The following GFOD1 variants were observed in gnomAD, a reference collection of about 807,000 sequenced individuals.
GFOD1 encodes the protein Gfo/Idh/MocA-like oxidoreductase domain containing 1.
GFOD1 carries 9 observed loss-of-function variants against 25.4 expected under a neutral mutation model. That is an observed-to-expected ratio of 0.35 (90% CI 0.21 to 0.62). GFOD1 has a LOEUF of 0.62. Among genes scored for constraint, GFOD1 ranks in the 20% least tolerant of loss-of-function variants. The pLI, the probability that GFOD1 is intolerant of heterozygous loss-of-function variation, is 0.72. For synonymous variants in GFOD1, 253 were observed against 245.6 expected, an observed-to-expected ratio of 1.03 and a Z score of -0.28; for missense variants, 403 against 556.9, an observed-to-expected ratio of 0.72 and a Z score of 2.78.
rs1554199973 is a variant in GFOD1 at position 13,381,915 on chromosome 6, G to GTGCACA, written c.254-16254_254-16253insTGTGCA. On this transcript the variant is annotated intron_variant, in intron 1 of 1. Coordinates refer to ENST00000379287, the MANE Select transcript of GFOD1 (RefSeq NM_018988.4). ...AGAAATAAAACACACACGCGCGCGC[G>GTGCACA]CACACACACACACACACACACACAC... 1.4e-3 allele frequency among the ~76,000 whole-genome samples: 201 copies of GTGCACA among 140,142 alleles called. 1 individual carries two copies. Among genetic ancestry groups the GTGCACA allele is most frequent in the Non-Finnish European group, 6.3e-4 (42 of 66,340 alleles). 91.9% of individuals were successfully genotyped at this position (140,142 alleles called of 152,430 possible). A position where few individuals can be genotyped will look rare whatever the true frequency, so the allele number is the denominator to read the frequency against.
At chr6:13,458,776 A>C (rs1470291499) in intron 1 of GFOD1, among the ~76,000 whole-genome samples, 1 of 144,054 alleles carries the variant, frequency 6.9e-6, no homozygotes, top group African/African-American at 2.9e-5. Context: ...AAAAAAAAAA[A>C]AAAAAAAAAA....
intron 1 of GFOD1, among the ~76,000 whole-genome samples, chr6:13,390,037 T>G (rs1349334206): frequency 6.6e-6 from 1 of 152,016 alleles, no homozygotes; most frequent in African/African-American, 2.4e-5. Flanking sequence ...ATTGTGCCAC[T>G]CTTCTCCAAG....
chr6:13,366,224 A>G (rs1175578003), intron 1 of GFOD1, among the ~76,000 whole-genome samples: 1 of 152,192 alleles, frequency 6.6e-6, no homozygotes, highest in Non-Finnish European at 1.5e-5. Flanking sequence ...ACTGTTCCCC[A>G]GGCTGCATTG....
At chr6:13,465,649 T>C (rs2841558) in intron 1 of GFOD1, among the ~76,000 whole-genome samples, 139,752 of 152,150 alleles carry the variant, frequency 0.92, 65,315 homozygotes, top group East Asian at 1. Flanking sequence ...GTTTGACACC[T>C]TCCCAGGTGT....
chr6:13,486,810 C>G lies in GFOD1; in HGVS notation c.81G>C (p.Ala27=), dbSNP rs759170224. The G allele has an allele frequency of 6.2e-7, 1 of 1,613,986 alleles. No individual in the cohort carries two copies. Among genetic ancestry groups the G allele is most frequent in the South Asian group, 1.1e-5 (1 of 91,080 alleles). ...GCGTGCGGCCCCACAGCGCCTTCACCGCGAAGCCCTCGTCTTTCAGCAGCG... is the reference window on the plus strand; with the variant it reads ...GCGTGCGGCCCCACAGCGCCTTCACGGCGAAGCCCTCGTCTTTCAGCAGCG... ...IIPLLKDEGF[A]VKALWGRTQE... Residue 27 remains alanine, a synonymous_variant, in exon 1 of 2, where the codon GCG becomes GCC. Transcript: ENST00000379287.
intron 1 of GFOD1, chr6:13,470,051 T>C: frequency 7.3e-7 from 1 of 1,378,068 alleles, no homozygotes; most frequent in Non-Finnish European, 9.7e-7. Context: ...CCTTACACAT[T>C]GTAGCCACTC....
chr6:13,439,658 T>C (rs1757884474), intron 1 of GFOD1, among the ~76,000 whole-genome samples: 2 of 152,372 alleles, frequency 1.3e-5, no homozygotes, highest in African/African-American at 4.8e-5. Context: ...CTAATCACCA[T>C]GCATGTATTA....
intron 1 of GFOD1, among the ~76,000 whole-genome samples, chr6:13,401,917 G>C (rs1308290986): frequency 6.6e-6 from 1 of 152,192 alleles, no homozygotes; most frequent in African/African-American, 2.4e-5. Flanking sequence ...AACTACTTTA[G>C]CACTTCATGA....
At chr6:13,483,197 C>T (rs1311296332) in intron 1 of GFOD1, among the ~76,000 whole-genome samples, 4 of 150,156 alleles carry the variant, frequency 2.7e-5, no homozygotes, top group African/African-American at 7.4e-5. Context: ...AGTGCTGAGA[C>T]AACAGAAGGG....
At chr6:13,368,976 T>C (rs1785098770) in intron 1 of GFOD1, among the ~76,000 whole-genome samples, 1 of 152,278 alleles carries the variant, frequency 6.6e-6, no homozygotes, top group Non-Finnish European at 1.5e-5. Flanking sequence ...GCTGCAAATG[T>C]AATTGTGGTT....
At chr6:13,466,095 C>A (rs995404450) in intron 1 of GFOD1, among the ~76,000 whole-genome samples, 3 of 152,212 alleles carry the variant, frequency 2.0e-5, no homozygotes, top group Admixed American at 6.5e-5. Context: ...CACCTCTGAT[C>A]TCGGAGGACC....
chr6:13,370,067 A>C (rs559725696), intron 1 of GFOD1, among the ~76,000 whole-genome samples: 52 of 152,358 alleles, frequency 3.4e-4, no homozygotes, highest in Admixed American at 1.1e-3. Flanking sequence ...AGCACTCACA[A>C]TAATGGAAAA....
chr6:13,384,369 G>A (rs917035881), intron 1 of GFOD1, among the ~76,000 whole-genome samples: 3 of 152,182 alleles, frequency 2.0e-5, no homozygotes, highest in Non-Finnish European at 4.4e-5. Flanking sequence ...CTATGAACTC[G>A]TGAAGTCTTT....
intron 1 of GFOD1, among the ~76,000 whole-genome samples, chr6:13,443,505 T>A (rs969157958): frequency 6.6e-6 from 1 of 152,028 alleles, no homozygotes; most frequent in African/African-American, 2.4e-5. Context: ...GCAGCAAACT[T>A]CATCATTGTC....
At chr6:13,462,925 AAG>A (rs1758316315) in intron 1 of GFOD1, among the ~76,000 whole-genome samples, 1 of 152,200 alleles carries the variant, frequency 6.6e-6, no homozygotes, top group Admixed American at 6.5e-5. Context: ...GATAAAAGTG[AAG>A]CATCTCCTGT....
chr6:13,476,227 C>A (rs749317819), intron 1 of GFOD1, among the ~76,000 whole-genome samples: 1 of 152,074 alleles, frequency 6.6e-6, no homozygotes, highest in East Asian at 1.9e-4. Flanking sequence ...AAACAAAATG[C>A]GGTATATCCA....
At chr6:13,410,577 G>GGAGAGAGAGAGAGAGAGAGAGA (rs10530261) in intron 1 of GFOD1, among the ~76,000 whole-genome samples, 8 of 128,182 alleles carry the variant, frequency 6.2e-5, no homozygotes, top group African/African-American at 2.9e-4. Context: ...AAGAAAGAAA[G>GGAGAGAGAGAGAGAGAGAGAGA]GAGAGAGAGA....
chr6:13,363,371 A>T lies in GFOD1; in HGVS notation c.*1372T>A, dbSNP rs1452037932. 6.6e-6 allele frequency: 1 copy of T among 152,068 alleles called. No homozygotes were observed. Among genetic ancestry groups the T allele is most frequent in the Non-Finnish European group, 1.5e-5 (1 of 68,030 alleles). The allele number at this position is 152,068 out of a possible 1,614,324, so 9.4% of individuals were successfully genotyped here. ...CAGACAGCAGACCAATTAGAAGAAC[A>T]TGTTTTTTCCAACATTAGCCTTTTC... On this transcript the variant is annotated 3_prime_UTR_variant, in exon 2 of 2. Transcript: ENST00000379287.
chr6:13,379,121 G>A (rs1241575801), intron 1 of GFOD1, among the ~76,000 whole-genome samples: 1 of 152,240 alleles, frequency 6.6e-6, no homozygotes, highest in Non-Finnish European at 1.5e-5. Flanking sequence ...CCAAGGCCCA[G>A]GGAGTGGTGG....
Sources: gnomAD v4.1 joint callset for allele counts (sites outside exome capture counted in the v4.1 genomes callset) on GRCh38, gnomAD v4.1.1 for gene constraint, MANE v1.5 for transcripts, NCBI Gene and HGNC (gene_info 2026-07-23, HGNC 2026-07-21) for gene names.